Variants in ABCF1 observed in about 807,000 individuals in gnomAD.
The protein encoded by ABCF1 is ATP binding cassette subfamily F member 1.
ABCF1 carries 73 observed loss-of-function variants against 126.3 expected under a neutral mutation model. That is an observed-to-expected ratio of 0.58 (90% confidence interval 0.48 to 0.70). The LOEUF is 0.70. Among genes scored for constraint, ABCF1 ranks in the 30% least tolerant of loss-of-function variants. The pLI, the probability that ABCF1 is intolerant of heterozygous loss-of-function variation, is 0.00. For missense variants in ABCF1, 786 were observed against 1,057.5 expected, an observed-to-expected ratio of 0.74 and a Z score of 3.56; for synonymous variants, 345 against 396.4, an observed-to-expected ratio of 0.87 and a Z score of 1.54.
In ABCF1 at chr6:30,586,209, G is replaced by A. The variant is rs1802120911; in HGVS notation, c.1789G>A (p.Glu597Lys). ...GAAAAACCAAGATGAGGAATCCCAG[G>A]AGGCCCCTGAGCTCCTGAAGCGCCC... is the stretch of plus-strand genomic sequence containing the variant. ...RRKNQDEESQ[E>K]APELLKRPKE... The change falls in exon 18 of 25, where the codon GAG (glutamate) becomes AAG (lysine). Residue 597 changes from glutamate to lysine, a missense_variant. Glu to Lys is a moderately conservative substitution (Grantham distance 56). Around this residue, in one of 4 missense-constraint regions of ABCF1, gnomAD observed 288 missense variants for 423.5 expected, o/e 0.68. Transcript: ENST00000326195. This position sits in a 1 kb window ranked among gnomAD's most constrained non-coding sequence, Gnocchi z 4.9. 2 of 1,613,950 alleles carry A rather than the reference G, an allele frequency of 1.2e-6. No individual in the cohort carries two copies. The highest frequency in any genetic ancestry group is 2.2e-5 in the South Asian group (2 of 91,086).
At position 30,585,246 on chromosome 6, in the gene ABCF1, T is replaced by C; in HGVS notation, c.1392-14T>C. Reference sequence around the variant, plus strand: ...TTCTCTCCCTGACCCTGCCCTCTGCTACCCACCCTCTAGGGCACTGTTCAT... The same window carrying C: ...TTCTCTCCCTGACCCTGCCCTCTGCCACCCACCCTCTAGGGCACTGTTCAT... On this transcript the variant is annotated splice_polypyrimidine_tract_variant and intron_variant, in intron 14 of 24. Coordinates refer to ENST00000326195, the MANE Select transcript of ABCF1 (RefSeq NM_001025091.2). The C allele has an allele frequency of 5.6e-6, 9 of 1,611,356 alleles. No homozygotes were observed. The highest frequency in any genetic ancestry group is 7.6e-6 in the Non-Finnish European group (9 of 1,178,266).
At chr6:30,587,236 C>T (rs1267146119) in intron 20 of ABCF1, among the ~76,000 whole-genome samples, 3 of 123,982 alleles carry the variant, frequency 2.4e-5, no homozygotes, top group East Asian at 2.4e-4. Flanking sequence ...GGCAACAGAG[C>T]GAGACTCCAT....
At chr6:30,585,032 G>A (rs960050225) in intron 14 of ABCF1, among the ~76,000 whole-genome samples, 2 of 152,106 alleles carry the variant, frequency 1.3e-5, no homozygotes, top group East Asian at 1.9e-4. Context: ...TTAGACCTGG[G>A]AGATTTAGAC....
At chr6:30,588,118 G>A (rs923686086) in intron 20 of ABCF1, among the ~76,000 whole-genome samples, 2 of 151,956 alleles carry the variant, frequency 1.3e-5, no homozygotes, top group African/African-American at 4.8e-5. Flanking sequence ...GGTCAGGCTG[G>A]TCTCGAACTC....
intron 20 of ABCF1, among the ~76,000 whole-genome samples, chr6:30,587,699 A>C (rs1053496273): frequency 2.6e-5 from 4 of 151,692 alleles, no homozygotes; most frequent in African/African-American, 9.7e-5. Context: ...AAATACAAAA[A>C]TTAGCTGGGT....
At position 30,589,984 on chromosome 6, in the gene ABCF1, C is replaced by T. The variant is rs1802357361; in HGVS notation, c.2233+10C>T. 6.2e-7 allele frequency: 1 copy of T among 1,612,006 alleles called. No homozygotes were observed. Among genetic ancestry groups the T allele is most frequent in the Non-Finnish European group, 8.5e-7 (1 of 1,179,512 alleles). On this transcript the variant is annotated intron_variant, in intron 22 of 24. Coordinates refer to ENST00000326195, the MANE Select transcript of ABCF1 (RefSeq NM_001025091.2). The stretch of plus-strand genomic sequence containing the variant: ...ATCTGCAAACTCTCTGGTACCACTT[C>T]AGGGGCCAGGGAGGGTGCCCTTCAC...
rs559824268 is a variant in ABCF1, at chr6:30,590,451, G to C, written c.2371+73G>C. The stretch of plus-strand genomic sequence containing the variant: ...GCTGTAGTGTCCTTCACTACAGAAG[G>C]GCCTAGGACTCCCTTATTTCATGTT... On this transcript the variant is annotated intron_variant, in intron 24 of 24. Coordinates refer to ENST00000326195, the MANE Select transcript of ABCF1 (RefSeq NM_001025091.2). 108 of 1,574,072 alleles carry C rather than the reference G, an allele frequency of 6.9e-5. 1 individual carries two copies. Among genetic ancestry groups the C allele is most frequent in the Non-Finnish European group, 9.2e-5 (107 of 1,159,178 alleles).
In ABCF1 at chr6:30,583,803, A is replaced by T. The variant is rs749737979; in HGVS notation, c.1017-2A>T. On this transcript the variant is annotated splice_acceptor_variant, in intron 11 of 24. Transcript: ENST00000326195. LOFTEE classifies it high-confidence loss of function. This position sits in a 1 kb window ranked among gnomAD's most constrained non-coding sequence, Gnocchi z 4.1. Reference sequence around the variant, plus strand: ...CAGGTCCTAATAGCTTTTATTCCCCAGCAAGGGCAAGACCACACTCCTCAA... The same window carrying T: ...CAGGTCCTAATAGCTTTTATTCCCCTGCAAGGGCAAGACCACACTCCTCAA... The T allele has an allele frequency of 6.2e-7, 1 of 1,614,176 alleles. No homozygotes were observed.
intron 1 of ABCF1, 62 bp from the exon 2 acceptor site, chr6:30,577,347 G>C: frequency 2.6e-6 from 4 of 1,523,608 alleles, no homozygotes; most frequent in African/African-American, 1.4e-5. Context: ...ATCTTTGCAG[G>C]GGGGATCAGA....
At chr6:30,580,576 T>TA (rs1204980718) in intron 8 of ABCF1, 57 bp downstream of exon 8, 2 of 1,070,440 alleles carry the variant, frequency 1.9e-6, no homozygotes, top group Non-Finnish European at 2.6e-6. Context: ...CCAGGGTCCT[T>TA]ATGGGAGAGT....
rs1477665876 is a variant in ABCF1, at chr6:30,583,194, G to A, written c.915+6G>A. ...AAAATGCATCTGACATCAAGGTAAG[G>A]TCTCAAGGGGCCCCTTCCAGTCCAC... On this transcript the variant is annotated splice_donor_region_variant and intron_variant, in intron 10 of 24. Coordinates refer to ENST00000326195, the MANE Select transcript of ABCF1 (RefSeq NM_001025091.2). This position sits in a 1 kb window ranked among gnomAD's most constrained non-coding sequence, Gnocchi z 4.1. 3.1e-6 allele frequency: 5 copies of A among 1,601,156 alleles called. No homozygotes were observed. The highest frequency in any genetic ancestry group is 4.3e-6 in the Non-Finnish European group (5 of 1,170,312).
chr6:30,579,984 G>A lies in ABCF1; in HGVS notation c.543G>A (p.Glu181=). Residue 181 remains glutamate, a synonymous_variant, in exon 7 of 25, where the codon GAG becomes GAA. Coordinates refer to ENST00000326195, the MANE Select transcript of ABCF1 (RefSeq NM_001025091.2). ...PALKGKKGKE[E]KSKGKAKPQN... ...TCAAGGGCAAAAAGGGAAAGGAAGA[G>A]AAGTCAAAAGGGAAGGCTAAGGTGA... 1.2e-6 allele frequency: 2 copies of A among 1,612,780 alleles called. No individual in the cohort carries two copies. The highest frequency in any genetic ancestry group is 2.2e-5 in the East Asian group (1 of 44,864).
At position 30,583,245 on chromosome 6, in the gene ABCF1, C is replaced by T; in HGVS notation, c.915+57C>T. On this transcript the variant is annotated intron_variant, in intron 10 of 24. Coordinates refer to ENST00000326195, the MANE Select transcript of ABCF1 (RefSeq NM_001025091.2). The surrounding 1 kb of genome is among the most constrained non-coding windows in gnomAD (Gnocchi z 4.1). ...TTACCTAGGGAAGAGCCAGTTCTCT[C>T]ATCTTCCCTGAGTGGCTGTGGTGTG... The T allele has an allele frequency of 1.3e-6, 2 of 1,561,228 alleles. No homozygotes were observed. The highest frequency in any genetic ancestry group is 1.7e-6 in the Non-Finnish European group (2 of 1,147,536).
chr6:30,586,665 T>A lies in ABCF1; in HGVS notation c.1985T>A (p.Val662Glu). The A allele has an allele frequency of 6.2e-7, 1 of 1,613,646 alleles. No homozygotes were observed. Among genetic ancestry groups the A allele is most frequent in the South Asian group, 1.1e-5 (1 of 91,074 alleles). Reference sequence around the variant, plus strand: ...GTTTGCATTGTGGGCCCTAATGGTGTGGGGAAGAGTACGCTACTCCTGCTG... The same window carrying A: ...GTTTGCATTGTGGGCCCTAATGGTGAGGGGAAGAGTACGCTACTCCTGCTG... ...SRICIVGPNG[V>E]GKSTLLLLLT... Residue 662 changes from valine (V) to glutamate (E), a missense_variant, in exon 20 of 25, where the codon GTG becomes GAG. Transcript: ENST00000326195. This position sits in a 1 kb window ranked among gnomAD's most constrained non-coding sequence, Gnocchi z 4.9.
At chr6:30,588,133 C>T (rs1802250242) in intron 20 of ABCF1, among the ~76,000 whole-genome samples, 1 of 152,038 alleles carries the variant, frequency 6.6e-6, no homozygotes, top group South Asian at 2.1e-4. Context: ...GAACTCCTGA[C>T]CTTGTGATCC....
intron 1 of ABCF1, among the ~76,000 whole-genome samples, chr6:30,572,264 T>A (rs1338868932): frequency 6.6e-6 from 1 of 152,182 alleles, no homozygotes; most frequent in Non-Finnish European, 1.5e-5. Flanking sequence ...AAAGCACTTA[T>A]TGGATGCCTA....
In ABCF1 at chr6:30,586,438, A is replaced by G. The variant is rs759515200; in HGVS notation, c.1886-36A>G. The G allele has an allele frequency of 6.2e-7, 1 of 1,612,844 alleles. No individual in the cohort carries two copies. The highest frequency in any genetic ancestry group is 1.1e-5 in the South Asian group (1 of 91,044). On this transcript the variant is annotated intron_variant, in intron 18 of 24. Transcript: ENST00000326195. This position sits in a 1 kb window ranked among gnomAD's most constrained non-coding sequence, Gnocchi z 4.9. ...CATGAGAGGGACTTTGCAGGGACTG[A>G]AAAGAATATAAATTGCTTCTTTTCG...
intron 22 of ABCF1, 87 bp downstream of exon 22, chr6:30,590,061 C>A (rs1802363174): frequency 3.7e-6 from 6 of 1,604,996 alleles, no homozygotes; most frequent in Middle Eastern, 1.9e-4. Flanking sequence ...AATGAGGGAG[C>A]CTCAGCTCAC....
Position 30,574,571 on chromosome 6 carries a change from A to G in ABCF1, c.74-2838A>G, listed in dbSNP as rs575665984. On this transcript the variant is annotated intron_variant, in intron 1 of 24. Coordinates refer to ENST00000326195, the MANE Select transcript of ABCF1 (RefSeq NM_001025091.2). This position sits in a 1 kb window ranked among gnomAD's most constrained non-coding sequence, Gnocchi z 4.3. ...GTTTTTCCTTCTTAGGTACTTCAGTAGATCCTTCCTCCTAATGCCTTTAGG... is the reference window on the plus strand; with the variant it reads ...GTTTTTCCTTCTTAGGTACTTCAGTGGATCCTTCCTCCTAATGCCTTTAGG... Among the ~76,000 whole-genome samples, 1 of 152,360 alleles carries G rather than the reference A, an allele frequency of 6.6e-6. No individual in the cohort carries two copies. The highest frequency in any genetic ancestry group is 1.9e-4 in the East Asian group (1 of 5,190).
Sources: gnomAD v4.1 joint callset for allele counts (sites outside exome capture counted in the v4.1 genomes callset) on GRCh38, gnomAD v4.1.1 for gene constraint, gnomAD v4.1.1 regional missense constraint, Gnocchi (gnomAD v3.1) non-coding constraint, MANE v1.5 for transcripts, NCBI Gene and HGNC (gene_info 2026-07-23, HGNC 2026-07-21) for gene names.